The following MIA2 variants were observed in gnomAD, a reference collection of about 807,000 sequenced individuals.
MIA2 encodes melanoma inhibitory activity protein 2.
Under a neutral mutation model 167.8 loss-of-function variants are expected in MIA2, and 127 were observed. That is an observed-to-expected ratio of 0.76 (90% CI 0.66 to 0.88). The LOEUF (loss-of-function observed/expected upper bound fraction) is 0.88. Ranked by LOEUF, MIA2 falls within the 40% of genes least tolerant of loss-of-function variation. The pLI is 0.00. For missense variants in MIA2, 1,690 were observed against 1,624.7 expected, an observed-to-expected ratio of 1.04 and a Z score of -0.69; for synonymous variants, 552 against 541.9, an observed-to-expected ratio of 1.02 and a Z score of -0.26.
intron 6 of MIA2, among the ~76,000 whole-genome samples, chr14:39,256,881 AAG>A (rs1273357271): frequency 6.6e-6 from 1 of 152,226 alleles, no homozygotes; most frequent in African/African-American, 2.4e-5. Flanking sequence ...AAATTTTAGA[AAG>A]AAAACTTATC....
intron 25 of MIA2, among the ~76,000 whole-genome samples, chr14:39,327,967 T>A (rs1478107400): frequency 3.9e-5 from 6 of 152,340 alleles, no homozygotes; most frequent in South Asian, 2.1e-4. Flanking sequence ...TGATTTATAA[T>A]CCTTTGGGTA....
Position 39,345,752 on chromosome 14 carries a change from A to C in MIA2, c.3656-152A>C, listed in dbSNP as rs1033444185. 1.5e-5 allele frequency: 9 copies of C among 583,226 alleles called. No individual in the cohort carries two copies. The South Asian group carries it at 2.8e-4, about 18-fold the overall frequency. The allele number at this position is 583,226 out of a possible 1,614,324, so 36.1% of individuals were successfully genotyped here. A position where few individuals can be genotyped will look rare whatever the true frequency, so the allele number is the denominator to read the frequency against. ...GTTATTGCCTATAGTAAAATATGCA[A>C]TTCTTCTGAAATTGTCTACTGTTGT... On this transcript the variant is annotated intron_variant, in intron 25 of 28. Transcript: ENST00000640607.
intron 9 of MIA2, among the ~76,000 whole-genome samples, chr14:39,280,957 C>G (rs895344243): frequency 8.7e-6 from 1 of 114,944 alleles, no homozygotes; most frequent in Non-Finnish European, 1.7e-5. Context: ...CTCTCTCTCT[C>G]TCTTGTCTAG....
chr14:39,342,365 T>C (rs2072127145), intron 25 of MIA2, among the ~76,000 whole-genome samples: 1 of 152,180 alleles, frequency 6.6e-6, no homozygotes, highest in South Asian at 2.1e-4. Flanking sequence ...GGCTGCATAG[T>C]ATTCCATGGT....
At chr14:39,263,832 C>T (rs2055272285) in intron 6 of MIA2, among the ~76,000 whole-genome samples, 1 of 152,020 alleles carries the variant, frequency 6.6e-6, no homozygotes, top group South Asian at 2.1e-4. Context: ...CGGGGTTTCA[C>T]CATGTTGGCC....
chr14:39,346,736 A>G (rs2073350019), intron 26 of MIA2, among the ~76,000 whole-genome samples: 1 of 149,720 alleles, frequency 6.7e-6, no homozygotes. Flanking sequence ...AGTAGACTAT[A>G]TAATATAGCT....
intron 1 of MIA2, among the ~76,000 whole-genome samples, chr14:39,234,457 C>G (rs1035417631): frequency 6.6e-6 from 1 of 151,886 alleles, no homozygotes; most frequent in Non-Finnish European, 1.5e-5. Flanking sequence ...AGAAATATAT[C>G]AGAAGTTAAA....
intron 24 of MIA2, 26 bp from the exon 25 acceptor site, chr14:39,326,838 T>A: frequency 6.9e-7 from 1 of 1,440,088 alleles, no homozygotes; most frequent in Non-Finnish European, 9.0e-7. Context: ...TGAAACAGAT[T>A]TGTATGTTTT....
At chr14:39,318,274 G>A (rs555871930) in intron 22 of MIA2, among the ~76,000 whole-genome samples, 6 of 147,272 alleles carry the variant, frequency 4.1e-5, no homozygotes, top group African/African-American at 1.5e-4. Flanking sequence ...AGTGTAGATG[G>A]ATGGAGGTAA....
At chr14:39,381,057 C>T (rs10149896) in intron 23 of MIA2, among the ~76,000 whole-genome samples, 27,492 of 150,864 alleles carry the variant, frequency 0.18, 2,570 homozygotes, top group Middle Eastern at 0.28. Context: ...AATACAAAAG[C>T]AGGCAGTTTA....
At chr14:39,265,528 C>CTT in intron 6 of MIA2, 1 of 785,096 alleles carries the variant, frequency 1.3e-6, no homozygotes, top group Non-Finnish European at 2.0e-6. Context: ...TTGGATTTTT[C>CTT]TTTTTTTTTC....
chr14:39,241,885 C>T (rs1313029940), intron 3 of MIA2, among the ~76,000 whole-genome samples: 1 of 152,148 alleles, frequency 6.6e-6, no homozygotes, highest in Non-Finnish European at 1.5e-5. Flanking sequence ...CCTCACTCAC[C>T]ATGATCCTGG....
exon 24 of MIA2, chr14:39,387,838 T>C (rs1055544983): frequency 6.6e-5 from 10 of 152,226 alleles, no homozygotes; most frequent in African/African-American, 2.4e-4. Flanking sequence ...GCTATCAACA[T>C]GGAGGTGATA....
intron 6 of MIA2, chr14:39,265,159 GTATA>G (rs3834509): frequency 5.3e-3 from 1,968 of 374,384 alleles, no homozygotes; most frequent in Middle Eastern, 0.013. Context: ...ATGTGTGTGA[GTATA>G]TATATATATA....
intron 23 of MIA2, among the ~76,000 whole-genome samples, chr14:39,366,506 C>T (rs568991335): frequency 2.2e-4 from 33 of 152,278 alleles, no homozygotes; most frequent in South Asian, 4.1e-4. Context: ...CCTCAGGGCA[C>T]GTGCCAGCGA....
chr14:39,267,008 T>G (rs2152676325), intron 6 of MIA2: 1 of 920,410 alleles, frequency 1.1e-6, no homozygotes. Context: ...GTCCCAAGCC[T>G]CTCCACTACC....
At chr14:39,364,154 T>C (rs1291197562) in intron 23 of MIA2, among the ~76,000 whole-genome samples, 2 of 152,144 alleles carry the variant, frequency 1.3e-5, no homozygotes, top group African/African-American at 2.4e-5. Context: ...GGTCAAGAGC[T>C]CGAGACCATC....
intron 25 of MIA2, among the ~76,000 whole-genome samples, chr14:39,330,931 A>G (rs891602525): frequency 2.0e-5 from 3 of 152,074 alleles, no homozygotes; most frequent in Admixed American, 1.3e-4. Flanking sequence ...AAAAATGTAT[A>G]TTTTGTTGAT....
chr14:39,280,332 T>G (rs552652997), intron 9 of MIA2, among the ~76,000 whole-genome samples: 5 of 152,304 alleles, frequency 3.3e-5, no homozygotes, highest in African/African-American at 9.6e-5. Context: ...GTGAACATTC[T>G]TCTACAAGTT....
Sources: allele counts gnomAD v4.1 joint callset (sites outside exome capture counted in the v4.1 genomes callset), GRCh38; gene constraint gnomAD v4.1.1; transcripts MANE v1.5; gene names NCBI Gene and HGNC (gene_info 2026-07-23, HGNC 2026-07-21).